The following CCDC102B variants were observed in gnomAD, a reference collection of about 807,000 sequenced individuals.
CCDC102B encodes the protein coiled-coil domain-containing protein 102B.
In CCDC102B, 75 loss-of-function variants were observed where a neutral mutation model predicts 57.4. That is an observed-to-expected ratio of 1.31 (90% confidence interval 1.08 to 1.58). The LOEUF (loss-of-function observed/expected upper bound fraction) is 1.58, where lower values mean the gene tolerates loss of function less well. Among genes scored for constraint, CCDC102B ranks in the 40% most tolerant of loss-of-function variants. CCDC102B has a pLI of 0.00. For missense variants in CCDC102B, 636 were observed against 582.6 expected, an observed-to-expected ratio of 1.09 and a Z score of -0.94; for synonymous variants, 206 against 201.9, an observed-to-expected ratio of 1.02 and a Z score of -0.17.
At chr18:68,767,079 A>G (rs182643184) in intron 2 of CCDC102B, among the ~76,000 whole-genome samples, 1 of 152,318 alleles carries the variant, frequency 6.6e-6, no homozygotes, top group East Asian at 1.9e-4. Context: ...TGAAGGTAGT[A>G]TTTTCTCTTA....
chr18:68,761,432 G>A (rs928203529), intron 2 of CCDC102B, among the ~76,000 whole-genome samples: 4 of 151,888 alleles, frequency 2.6e-5, no homozygotes, highest in Admixed American at 6.6e-5. Context: ...TTCTGTTTAC[G>A]TGGGTAATCA....
chr18:68,999,295 T>C (rs2051136331), intron 6 of CCDC102B, among the ~76,000 whole-genome samples: 1 of 152,016 alleles, frequency 6.6e-6, no homozygotes. Context: ...AATAAGTTTC[T>C]CTTTTTGTTT....
chr18:68,776,205 GT>G (rs1373821039), intron 2 of CCDC102B, among the ~76,000 whole-genome samples: 1 of 152,026 alleles, frequency 6.6e-6, no homozygotes, highest in Non-Finnish European at 1.5e-5. Context: ...TGTCACCTCA[GT>G]TGGGTATAAT....
intron 2 of CCDC102B, among the ~76,000 whole-genome samples, chr18:68,772,365 C>G (rs940726517): frequency 6.6e-6 from 1 of 152,136 alleles, no homozygotes; most frequent in African/African-American, 2.4e-5. Context: ...AAAACAAAAT[C>G]ATACTCAGCA....
At position 69,054,761 on chromosome 18, in the gene CCDC102B, C is replaced by A. The variant is rs184775928; in HGVS notation, c.*624C>A. The A allele has an allele frequency of 1.0e-6, 1 of 985,238 alleles. No homozygotes were observed. Among genetic ancestry groups the A allele is most frequent in the East Asian group, 1.1e-4 (1 of 8,788 alleles). The allele number at this position is 985,238 out of a possible 1,614,324, so 61.0% of individuals were successfully genotyped here. Reference sequence around the variant, plus strand: ...TGAATCTAAGACAGGCTGTAAGCATCGCTGAGAAACTAAAAGGACTTTTGA... The same window carrying A: ...TGAATCTAAGACAGGCTGTAAGCATAGCTGAGAAACTAAAAGGACTTTTGA... On this transcript the variant is annotated 3_prime_UTR_variant, in exon 8 of 8. Transcript: ENST00000360242.
chr18:68,844,563 A>G (rs2037775284), intron 3 of CCDC102B, among the ~76,000 whole-genome samples: 1 of 151,846 alleles, frequency 6.6e-6, no homozygotes. Context: ...ATAATTTTCA[A>G]TGTAAATTCA....
At chr18:68,751,013 T>C (rs1474610349) in intron 2 of CCDC102B, among the ~76,000 whole-genome samples, 1 of 151,570 alleles carries the variant, frequency 6.6e-6, no homozygotes, top group Non-Finnish European at 1.5e-5. Context: ...AGTCACATGG[T>C]GCAGCTAAGG....
At chr18:68,934,581 A>C (rs1157513152) in intron 6 of CCDC102B, among the ~76,000 whole-genome samples, 1 of 152,020 alleles carries the variant, frequency 6.6e-6, no homozygotes, top group Non-Finnish European at 1.5e-5. Flanking sequence ...TCCTAAGTCA[A>C]TTCTAAGAGG....
At position 68,851,081 on chromosome 18, in the gene CCDC102B, G is replaced by A. The variant is rs535109691; in HGVS notation, c.936+4660G>A. ...ATCATGTCTGCTTATTCACCTCTCCGTACTCAATGATGAATAAATATGCTT... is the reference window on the plus strand; with the variant it reads ...ATCATGTCTGCTTATTCACCTCTCCATACTCAATGATGAATAAATATGCTT... On this transcript the variant is annotated intron_variant, in intron 4 of 7. Coordinates refer to ENST00000360242, the MANE Select transcript of CCDC102B (RefSeq NM_024781.3). Among the ~76,000 whole-genome samples, 28 of 152,096 alleles carry A rather than the reference G, an allele frequency of 1.8e-4. No individual in the cohort carries two copies. The South Asian group carries it at 2.7e-3, about 15-fold the overall frequency.
intron 6 of CCDC102B, among the ~76,000 whole-genome samples, chr18:68,906,851 T>C (rs2040666688): frequency 3.3e-5 from 2 of 59,954 alleles, no homozygotes; most frequent in Non-Finnish European, 7.0e-5. Flanking sequence ...TTTTTTTTTG[T>C]CATTTATGCT....
chr18:68,838,681 A>ATGTTT (rs769702502), intron 2 of CCDC102B, 25 bp from the exon 3 acceptor site: 6 of 1,601,580 alleles, frequency 3.7e-6, no homozygotes, highest in South Asian at 3.4e-5. Flanking sequence ...AGGTTTAAAT[A>ATGTTT]TGTTTTGTTT....
chr18:68,737,300 G>T (rs536121689), intron 2 of CCDC102B, among the ~76,000 whole-genome samples: 21 of 152,134 alleles, frequency 1.4e-4, no homozygotes, highest in African/African-American at 5.1e-4. Flanking sequence ...GCTTCTCCAG[G>T]ATTACATTTT....
At chr18:68,909,652 A>G (rs2040770671) in intron 6 of CCDC102B, among the ~76,000 whole-genome samples, 1 of 152,178 alleles carries the variant, frequency 6.6e-6, no homozygotes, top group Non-Finnish European at 1.5e-5. Flanking sequence ...TTTGAGAAGG[A>G]TAGTTTTTTG....
intron 6 of CCDC102B, among the ~76,000 whole-genome samples, chr18:68,977,577 T>C (rs987216309): frequency 2.5e-4 from 38 of 151,652 alleles, no homozygotes; most frequent in African/African-American, 8.2e-4. Context: ...AAACAGGTTG[T>C]AAAACAAGCA....
intron 5 of CCDC102B, among the ~76,000 whole-genome samples, chr18:68,887,687 C>A (rs1211502357): frequency 2.6e-5 from 4 of 152,196 alleles, no homozygotes; most frequent in Admixed American, 6.5e-5. Context: ...CTAAAGTGTA[C>A]CTTTGATGTT....
rs190414835 is a variant in CCDC102B at position 69,006,307 on chromosome 18, A to C, written c.1264-4627A>C. On this transcript the variant is annotated intron_variant, in intron 6 of 7. Transcript: ENST00000360242. Reference sequence around the variant, plus strand: ...TACTATAACACGTACGGAAAGAACAAAATGAGTGTGTGGGGAGATTCCCAT... The same window carrying C: ...TACTATAACACGTACGGAAAGAACACAATGAGTGTGTGGGGAGATTCCCAT... Among the ~76,000 whole-genome samples, 94 of 152,348 alleles carry C rather than the reference A, an allele frequency of 6.2e-4. 2 individuals are homozygous for C. The highest frequency in any genetic ancestry group is 2.2e-3 in the African/African-American group (92 of 41,584).
intron 1 of CCDC102B, among the ~76,000 whole-genome samples, chr18:68,812,503 G>A (rs1410673882): frequency 1.3e-5 from 2 of 152,076 alleles, no homozygotes; most frequent in South Asian, 2.1e-4. Flanking sequence ...TAATAGAAAA[G>A]CATTTTAAAG....
At chr18:68,810,915 T>C (rs921358997) in intron 1 of CCDC102B, among the ~76,000 whole-genome samples, 2 of 152,128 alleles carry the variant, frequency 1.3e-5, no homozygotes, top group African/African-American at 4.8e-5. Flanking sequence ...TTTCTCATTG[T>C]TCAGCTCCCA....
chr18:68,797,416 C>G (rs2035669006), upstream of CCDC102B, among the ~76,000 whole-genome samples: 1 of 151,876 alleles, frequency 6.6e-6, no homozygotes, highest in African/African-American at 2.4e-5. Flanking sequence ...TATGTGATCT[C>G]TCGCCTCCCC....
Sources: gnomAD v4.1 joint callset for allele counts (sites outside exome capture counted in the v4.1 genomes callset) on GRCh38, gnomAD v4.1.1 for gene constraint, MANE v1.5 for transcripts, NCBI Gene and HGNC (gene_info 2026-07-23, HGNC 2026-07-21) for gene names.